ERMARD: variants seen among roughly 807,000 people sequenced by gnomAD.
ERMARD encodes endoplasmic reticulum membrane-associated RNA degradation protein.
In ERMARD, 71 loss-of-function variants were observed where a neutral mutation model predicts 83.9. The ratio of observed to expected loss-of-function variants is 0.85; its 90% CI spans 0.70 to 1.03. The LOEUF is 1.03. Among genes scored for constraint, ERMARD ranks in the 50% least tolerant of loss-of-function variants. ERMARD has a pLI of 0.00. For synonymous variants in ERMARD, 284 were observed against 298.6 expected, an observed-to-expected ratio of 0.95 and a Z score of 0.50; for missense variants, 838 against 810.9, an observed-to-expected ratio of 1.03 and a Z score of -0.41.
At chr6:169,755,253 G>A in intron 2 of ERMARD, 30 bp from the exon 3 acceptor site, 1 of 1,609,618 alleles carries the variant, frequency 6.2e-7, no homozygotes, top group Non-Finnish European at 8.5e-7. Flanking sequence ...TGGAGCTATG[G>A]TGCTGAAATT....
At position 169,766,664 on chromosome 6, in the gene ERMARD, T is replaced by C. The variant is rs1349126489; in HGVS notation, c.987T>C (p.Asp329=). Residue 329 remains aspartate (D), a synonymous_variant, in exon 10 of 18, where the codon GAT becomes GAC. Coordinates refer to ENST00000366773, the MANE Select transcript of ERMARD (RefSeq NM_018341.3). ...AESTALYTTF[D]QILAKHLNDG... ...CAACAGCTCTTTATACCACCTTTGA[T>C]CAAGTAAGTAAGTAAACTTGTAAGG... 6.3e-7 allele frequency: 1 copy of C among 1,576,400 alleles called. No individual in the cohort carries two copies. Among genetic ancestry groups the C allele is most frequent in the African/African-American group, 1.4e-5 (1 of 72,452 alleles).
chr6:169,780,530 ATAACT>A (rs995909601), intron 17 of ERMARD, among the ~76,000 whole-genome samples: 45 of 152,234 alleles, frequency 3.0e-4, no homozygotes, highest in African/African-American at 2.4e-4. Flanking sequence ...ATTTTGAGAA[ATAACT>A]TAAGTAAAAT....
At chr6:169,759,746 T>G in intron 6 of ERMARD, 92 bp from the exon 7 acceptor site, 1 of 1,252,464 alleles carries the variant, frequency 8.0e-7, no homozygotes, top group Non-Finnish European at 1.1e-6. Context: ...TAACTTTGCT[T>G]TCTTAATTTT....
At chr6:169,773,495 G>A (rs1793222427) in intron 13 of ERMARD, 93 bp downstream of exon 13, 1 of 1,289,950 alleles carries the variant, frequency 7.8e-7, no homozygotes, top group Non-Finnish European at 1.1e-6. Flanking sequence ...TTTGCTTGCT[G>A]AGTCAGACTT....
intron 1 of ERMARD, among the ~76,000 whole-genome samples, chr6:169,752,383 G>C (rs1480388851): frequency 6.6e-6 from 1 of 152,224 alleles, no homozygotes; most frequent in Non-Finnish European, 1.5e-5. Flanking sequence ...GAGGTAGTCA[G>C]AGGCTGAGGA....
intron 10 of ERMARD, chr6:169,767,509 C>T (rs948667688): frequency 1.3e-5 from 2 of 154,226 alleles, no homozygotes; most frequent in African/African-American, 4.8e-5. Flanking sequence ...CATACACACA[C>T]GAACACATAC....
chr6:169,753,973 C>G lies in ERMARD; in HGVS notation c.116C>G (p.Thr39Ser), dbSNP rs555474634. 8.6e-5 allele frequency: 139 copies of G among 1,613,454 alleles called. 2 individuals are homozygous for G. In the South Asian group the frequency reaches 1.3e-3, roughly 16 times the overall value. The change falls in exon 2 of 18, where the codon ACT becomes AGT. Residue 39 changes from threonine to serine, a missense_variant. By Grantham distance (58) the Thr-to-Ser change is moderately conservative. Transcript: ENST00000366773. The stretch of plus-strand genomic sequence containing the variant: ...AATTGTGATATCAATAGCATTGTAA[C>G]TCAGAATGGTGAAGTATGCTGGAAA... ...RENCDINSIV[T>S]QNGEVCWKTI...
rs188829457 is a variant in ERMARD at position 169,768,521 on chromosome 6, G to A, written c.1059+350G>A. On this transcript the variant is annotated intron_variant, in intron 11 of 17. Coordinates refer to ENST00000366773, the MANE Select transcript of ERMARD (RefSeq NM_018341.3). ...GCCTATAATCCTAGCACTTTGGGAG[G>A]CCAAGGCGGGCAGATCACAAGGTCA... Among the ~76,000 whole-genome samples the A allele has an allele frequency of 2.2e-4, 34 of 152,284 alleles. 1 individual carries two copies. In the East Asian group the frequency reaches 6.0e-3, roughly 27 times the overall value.
At position 169,758,990 on chromosome 6, in the gene ERMARD, T is replaced by G; in HGVS notation, c.530T>G (p.Val177Gly). 6.2e-7 allele frequency: 1 copy of G among 1,614,010 alleles called. No individual in the cohort carries two copies. The highest frequency in any genetic ancestry group is 8.5e-7 in the Non-Finnish European group (1 of 1,179,962). The change falls in exon 6 of 18, where the codon GTT becomes GGT. Residue 177 changes from valine (V) to glycine (G), a missense_variant. Coordinates refer to ENST00000366773, the MANE Select transcript of ERMARD (RefSeq NM_018341.3). ...QSVMNVLKVF[V>G]GSPCGLNLRN... ...TAGATGAATGTGCTAAAAGTCTTCG[T>G]TGGCTCTCCGTGTGGTCTCAACCTG...
chr6:169,759,708 C>A, intron 6 of ERMARD, 130 bp from the exon 7 acceptor site: 1 of 888,176 alleles, frequency 1.1e-6, no homozygotes, highest in Non-Finnish European at 1.7e-6. Context: ...AGGCATGAGC[C>A]ACCGTGATCG....
intron 1 of ERMARD, 118 bp downstream of exon 1, chr6:169,751,781 T>C: frequency 7.3e-7 from 1 of 1,375,916 alleles, no homozygotes; most frequent in African/African-American, 1.5e-5. Context: ...TGGCCGGCGG[T>C]CCCGCGCTGG....
intron 9 of ERMARD, among the ~76,000 whole-genome samples, chr6:169,763,883 T>A (rs958951412): frequency 6.6e-6 from 1 of 152,280 alleles, no homozygotes; most frequent in Non-Finnish European, 1.5e-5. Context: ...TGCTTCTCAC[T>A]GACCCCCATC....
intron 10 of ERMARD, among the ~76,000 whole-genome samples, 186 bp downstream of exon 10, chr6:169,766,853 C>G (rs925154139): frequency 6.6e-6 from 1 of 152,110 alleles, no homozygotes; most frequent in Non-Finnish European, 1.5e-5. Context: ...CCCAGTGTTA[C>G]CAATCTAGCT....
intron 14 of ERMARD, 56 bp from the exon 15 acceptor site, chr6:169,775,884 G>A: frequency 6.3e-7 from 1 of 1,594,976 alleles, no homozygotes. Flanking sequence ...TTGTGCACAG[G>A]CACTGATGTG....
intron 6 of ERMARD, among the ~76,000 whole-genome samples, chr6:169,759,426 A>T (rs1791234166): frequency 1.4e-5 from 2 of 147,610 alleles, no homozygotes; most frequent in African/African-American, 5.0e-5. Flanking sequence ...ATTTTGTGCA[A>T]TTTTTTTTTT....
At position 169,753,941 on chromosome 6, in the gene ERMARD, C is replaced by CA. The variant is rs781704200; in HGVS notation, c.85dup (p.Arg29LysfsTer5). On this transcript the variant is annotated frameshift_variant, in exon 2 of 18. Coordinates refer to ENST00000366773, the MANE Select transcript of ERMARD (RefSeq NM_018341.3). LOFTEE classifies it high-confidence loss of function. ...TAATTTGTAATCTTGGGTTTCAACT[C>CA]AGAGAAAATTGTGATATCAATAGCA... 9 of 1,613,566 alleles carry CA rather than the reference C, an allele frequency of 5.6e-6. No individual in the cohort carries two copies. Among genetic ancestry groups the CA allele is most frequent in the Non-Finnish European group, 6.8e-6 (8 of 1,179,818 alleles).
At chr6:169,760,600 T>C (rs749718812) in intron 7 of ERMARD, 42 bp from the exon 8 acceptor site, 1 of 1,382,918 alleles carries the variant, frequency 7.2e-7, no homozygotes, top group Non-Finnish European at 1.0e-6. Context: ...TTTTTTCAGT[T>C]GATCAGTATG....
At chr6:169,774,434 G>A (rs1793345560) in intron 13 of ERMARD, among the ~76,000 whole-genome samples, 1 of 152,182 alleles carries the variant, frequency 6.6e-6, no homozygotes, top group Non-Finnish European at 1.5e-5. Flanking sequence ...GAGGTGGGCA[G>A]GTAGGGAGGA....
intron 5 of ERMARD, among the ~76,000 whole-genome samples, chr6:169,757,511 A>G (rs1245261396): frequency 6.6e-6 from 1 of 152,250 alleles, no homozygotes; most frequent in Non-Finnish European, 1.5e-5. Flanking sequence ...ACGTGAAATT[A>G]TCTTTTGAAA....
Sources: allele counts gnomAD v4.1 joint callset (sites outside exome capture counted in the v4.1 genomes callset), GRCh38; gene constraint gnomAD v4.1.1; transcripts MANE v1.5; gene names NCBI Gene and HGNC (gene_info 2026-07-23, HGNC 2026-07-21).